ZPBP: variants seen among roughly 807,000 people sequenced by gnomAD.
ZPBP encodes zona pellucida-binding protein 1.
Under a neutral mutation model 44.8 loss-of-function variants are expected in ZPBP, and 26 were observed. The ratio of observed to expected loss-of-function variants is 0.58; its 90% CI spans 0.43 to 0.81. ZPBP has a LOEUF of 0.81. Among genes scored for constraint, ZPBP ranks in the 30% least tolerant of loss-of-function variants. The pLI is 0.00. For synonymous variants in ZPBP, 174 were observed against 153.2 expected (o/e 1.14, Z -1.00); for missense variants, 409 against 434.0 (o/e 0.94, Z 0.51).
chr7:49,890,270 A>G (rs890714961), intron 2 of ZPBP, among the ~76,000 whole-genome samples: 1 of 152,234 alleles, frequency 6.6e-6, no homozygotes, highest in African/African-American at 2.4e-5. Flanking sequence ...AAATTCTATT[A>G]TATAAATTAT....
intron 1 of ZPBP, chr7:49,915,121 G>A (rs1193159255): frequency 2.0e-5 from 3 of 152,162 alleles, no homozygotes; most frequent in Non-Finnish European, 4.4e-5. Context: ...TCAGTGATAG[G>A]ATATTTACTT....
At chr7:49,857,051 T>G (rs1419780377) in intron 2 of ZPBP, among the ~76,000 whole-genome samples, 1 of 137,402 alleles carries the variant, frequency 7.3e-6, no homozygotes, top group Non-Finnish European at 1.6e-5. Context: ...AGACGTAACA[T>G]GATATCTACC....
intron 6 of ZPBP, among the ~76,000 whole-genome samples, chr7:49,995,404 C>G (rs1331315059): frequency 6.6e-6 from 1 of 152,200 alleles, no homozygotes; most frequent in Non-Finnish European, 1.5e-5. Context: ...AGCTACAGAT[C>G]AGGCACCAGG....
chr7:49,976,386 A>AC (rs933802856), intron 7 of ZPBP, among the ~76,000 whole-genome samples: 4 of 151,836 alleles, frequency 2.6e-5, no homozygotes, highest in Non-Finnish European at 5.9e-5. Context: ...TGGTGTTTTG[A>AC]TTTTCCATCA....
chr7:49,865,299 A>G (rs1019508927), intron 2 of ZPBP, among the ~76,000 whole-genome samples: 19 of 152,330 alleles, frequency 1.2e-4, no homozygotes, highest in Middle Eastern at 3.4e-3. Context: ...GGATCAAGTA[A>G]TAGATTCTCT....
intron 3 of ZPBP, among the ~76,000 whole-genome samples, chr7:50,059,362 T>C (rs1801132824): frequency 6.6e-6 from 1 of 152,212 alleles, no homozygotes; most frequent in Non-Finnish European, 1.5e-5. Flanking sequence ...AACAGATGAA[T>C]ATACCCACCC....
chr7:49,981,682 T>TCTTG (rs1796975264), intron 7 of ZPBP, among the ~76,000 whole-genome samples: 1 of 40,776 alleles, frequency 2.5e-5, no homozygotes, highest in Non-Finnish European at 3.6e-5. Context: ...ATATTATATA[T>TCTTG]AATAATATAT....
chr7:49,933,081 T>C (rs1464586614), downstream of ZPBP, among the ~76,000 whole-genome samples: 1 of 152,186 alleles, frequency 6.6e-6, no homozygotes, highest in African/African-American at 2.4e-5. Context: ...TATTATAGTT[T>C]TTTTGCTGAA....
At chr7:50,012,951 C>T (rs1294590059) in intron 6 of ZPBP, among the ~76,000 whole-genome samples, 1 of 151,678 alleles carries the variant, frequency 6.6e-6, no homozygotes, top group Non-Finnish European at 1.5e-5. Flanking sequence ...TGGCATGATA[C>T]AAGGATAATA....
intron 2 of ZPBP, among the ~76,000 whole-genome samples, chr7:49,891,875 A>G (rs1380517377): frequency 6.6e-6 from 1 of 151,422 alleles, no homozygotes; most frequent in East Asian, 1.9e-4. Context: ...TCTGCTATTG[A>G]TAGATACTTT....
intron 2 of ZPBP, among the ~76,000 whole-genome samples, chr7:49,896,447 T>C (rs1792386480): frequency 6.6e-6 from 1 of 151,694 alleles, no homozygotes; most frequent in Non-Finnish European, 1.5e-5. Context: ...AGAAAAAAAT[T>C]CCTAAATCAA....
chr7:49,962,979 C>A (rs992355450), intron 7 of ZPBP, among the ~76,000 whole-genome samples: 1 of 151,096 alleles, frequency 6.6e-6, no homozygotes, highest in East Asian at 1.9e-4. Flanking sequence ...CATAGAGAGA[C>A]CTGTTTCCAA....
chr7:49,845,955 G>A (rs1789933805), downstream of ZPBP, among the ~76,000 whole-genome samples: 1 of 152,218 alleles, frequency 6.6e-6, no homozygotes, highest in Non-Finnish European at 1.5e-5. Flanking sequence ...ACCTGCCCCT[G>A]TGGATATTTT....
At chr7:50,078,104 C>G (rs890703818) in intron 3 of ZPBP, among the ~76,000 whole-genome samples, 1 of 151,698 alleles carries the variant, frequency 6.6e-6, no homozygotes, top group African/African-American at 2.4e-5. Context: ...ATGGCTGGAA[C>G]TGGAGATCAT....
At chr7:50,081,516 AG>A (rs1202852060) in intron 3 of ZPBP, among the ~76,000 whole-genome samples, 1 of 151,766 alleles carries the variant, frequency 6.6e-6, no homozygotes, top group Non-Finnish European at 1.5e-5. Flanking sequence ...TTTTTAAGTG[AG>A]AAAAAGTAAC....
At chr7:50,023,322 A>G (rs570359013) in intron 5 of ZPBP, among the ~76,000 whole-genome samples, 1 of 152,188 alleles carries the variant, frequency 6.6e-6, no homozygotes, top group East Asian at 1.9e-4. Flanking sequence ...ACATGCATAC[A>G]TTACCACTAT....
rs1562820455 is a variant in ZPBP at position 49,981,658 on chromosome 7, A to ATT, written c.961+1683_961+1684insAA. On this transcript the variant is annotated intron_variant, in intron 7 of 7. Transcript: ENST00000046087. ...TATATATTATATAATATCTTGATAT[A>ATT]AAATATATATTATATATTATATATA... Among the ~76,000 whole-genome samples, 17 of 74,540 alleles carry ATT rather than the reference A, an allele frequency of 2.3e-4. 6 individuals are homozygous for ATT. The East Asian group carries it at 3.3e-3, about 15-fold the overall frequency. The allele number at this position is 74,540 out of a possible 152,430, so 48.9% of individuals were successfully genotyped here.
intron 4 of ZPBP, among the ~76,000 whole-genome samples, chr7:50,048,296 A>G (rs1800489378): frequency 6.6e-6 from 1 of 152,110 alleles, no homozygotes; most frequent in Non-Finnish European, 1.5e-5. Flanking sequence ...TATCCCACTT[A>G]CAATGATGAA....
chr7:49,928,870 G>A (rs1794348051), intron 1 of ZPBP, among the ~76,000 whole-genome samples: 1 of 152,168 alleles, frequency 6.6e-6, no homozygotes, highest in Admixed American at 6.5e-5. Context: ...TCCAAAAGCT[G>A]TTTCTCAAAA....
Sources: gnomAD v4.1 joint callset for allele counts (sites outside exome capture counted in the v4.1 genomes callset) on GRCh38, gnomAD v4.1.1 for gene constraint, MANE v1.5 for transcripts, NCBI Gene and HGNC (gene_info 2026-07-23, HGNC 2026-07-21) for gene names.